PRR5L: variants seen among roughly 807,000 people sequenced by gnomAD.
The protein encoded by PRR5L is proline rich 5 like.
Under a neutral mutation model 36.4 loss-of-function variants are expected in PRR5L, and 21 were observed. That is an observed-to-expected ratio of 0.58 (90% confidence interval 0.41 to 0.83). The LOEUF is 0.83. Ranked by LOEUF, PRR5L falls within the 40% of genes least tolerant of loss-of-function variation. The pLI, the probability that PRR5L is intolerant of heterozygous loss-of-function variation, is 0.00. For synonymous variants in PRR5L, 188 were observed against 197.0 expected (o/e 0.95, Z 0.38); for missense variants, 381 against 473.3 (o/e 0.80, Z 1.81).
chr11:36,302,676 A>G (rs1358730528), intron 1 of PRR5L, among the ~76,000 whole-genome samples: 4 of 152,188 alleles, frequency 2.6e-5, no homozygotes, highest in Non-Finnish European at 5.9e-5. Context: ...AATCCCAGCT[A>G]CTCGGGAGGC....
At position 36,344,260 on chromosome 11, in the gene PRR5L, A is replaced by T. The variant is rs142609080; in HGVS notation, c.-126+47822A>T. On this transcript the variant is annotated intron_variant, in intron 1 of 8. Transcript: ENST00000530639. This position sits in a 1 kb window ranked among gnomAD's most constrained non-coding sequence, Gnocchi z 4.1. ...CATGCTCATAGAAAAATCAGAAAAT[A>T]TATAAATGTATGAAATAGTCTAATT... Among the ~76,000 whole-genome samples the T allele has an allele frequency of 1.5e-3, 232 of 152,300 alleles. 1 individual carries two copies. The Middle Eastern group carries it at 0.02, about 13-fold the overall frequency.
chr11:36,437,531 T>C, intron 6 of PRR5L, 55 bp downstream of exon 6: 1 of 1,144,558 alleles, frequency 8.7e-7, no homozygotes, highest in African/African-American at 1.6e-5. Context: ...TCTTCTCTCC[T>C]GGCCCTTGCG....
chr11:36,452,764 G>C (rs1858971146), intron 8 of PRR5L, among the ~76,000 whole-genome samples: 1 of 152,094 alleles, frequency 6.6e-6, no homozygotes, highest in Non-Finnish European at 1.5e-5. Flanking sequence ...CCATTGTTTG[G>C]GCCTAATGCC....
intron 1 of PRR5L, among the ~76,000 whole-genome samples, chr11:36,330,712 A>G (rs1273094830): frequency 6.6e-6 from 1 of 152,256 alleles, no homozygotes; most frequent in Non-Finnish European, 1.5e-5. Flanking sequence ...TGTCTCTGTG[A>G]CATATTAATA....
intron 4 of PRR5L, among the ~76,000 whole-genome samples, chr11:36,431,457 T>C (rs1858491620): frequency 6.8e-6 from 1 of 147,882 alleles, no homozygotes; most frequent in African/African-American, 2.4e-5. Flanking sequence ...AAATTTATCT[T>C]TTTTTTTAAA....
intron 1 of PRR5L, among the ~76,000 whole-genome samples, chr11:36,305,087 A>C (rs1268194593): frequency 1.3e-5 from 2 of 152,254 alleles, no homozygotes; most frequent in Non-Finnish European, 2.9e-5. Flanking sequence ...TGTTCATAGC[A>C]GCATTATTCA....
At chr11:36,457,572 C>T (rs1473993446) in intron 8 of PRR5L, among the ~76,000 whole-genome samples, 1 of 150,908 alleles carries the variant, frequency 6.6e-6, no homozygotes, top group East Asian at 2.0e-4. Context: ...CGCCACTGCA[C>T]TCCAGCCTGG....
intron 1 of PRR5L, among the ~76,000 whole-genome samples, chr11:36,300,433 GC>G (rs1856362768): frequency 6.6e-6 from 1 of 152,030 alleles, no homozygotes; most frequent in African/African-American, 2.4e-5. Context: ...TGAAAGATCT[GC>G]CCCCGTGACC....
intron 1 of PRR5L, among the ~76,000 whole-genome samples, chr11:36,329,635 G>A (rs574534760): frequency 2.0e-4 from 31 of 152,266 alleles, no homozygotes; most frequent in Admixed American, 3.3e-4. Context: ...TTGCATAAGT[G>A]CAGCAAAAAT....
intron 1 of PRR5L, among the ~76,000 whole-genome samples, chr11:36,334,405 C>T (rs1856749293): frequency 6.6e-6 from 1 of 152,222 alleles, no homozygotes; most frequent in Non-Finnish European, 1.5e-5. Flanking sequence ...AAGCTCCTGG[C>T]CATGGCCTCC....
chr11:36,423,143 T>A (rs1282064568), intron 4 of PRR5L, among the ~76,000 whole-genome samples: 1 of 152,158 alleles, frequency 6.6e-6, no homozygotes, highest in Non-Finnish European at 1.5e-5. Flanking sequence ...CTAGAGTCAG[T>A]GGCTTTGAAT....
At position 36,436,023 on chromosome 11, in the gene PRR5L, G is replaced by A. The variant is rs114236551; in HGVS notation, c.353-1362G>A. The stretch of plus-strand genomic sequence containing the variant: ...AAAGTGTGATCAGTGGTTTGCACAG[G>A]CAAGTTGAGGGTGCCCTGGATTTGC... On this transcript the variant is annotated intron_variant, in intron 5 of 8. Transcript: ENST00000530639. Among the ~76,000 whole-genome samples the A allele has an allele frequency of 1.3e-3, 202 of 152,280 alleles. 1 individual carries two copies. Among genetic ancestry groups the A allele is most frequent in the African/African-American group, 4.4e-3 (184 of 41,544 alleles).
At chr11:36,362,605 T>A (rs1857102487) in intron 1 of PRR5L, among the ~76,000 whole-genome samples, 1 of 152,186 alleles carries the variant, frequency 6.6e-6, no homozygotes, top group South Asian at 2.1e-4. Flanking sequence ...CCATGCCTGC[T>A]GTTTCTGTTT....
intron 1 of PRR5L, among the ~76,000 whole-genome samples, chr11:36,355,162 C>T (rs991081858): frequency 2.6e-5 from 4 of 152,122 alleles, no homozygotes; most frequent in African/African-American, 7.2e-5. Context: ...AACAGGTTTA[C>T]GAATTGATCC....
In PRR5L at chr11:36,347,027, T is replaced by G. The variant is rs1482344760; in HGVS notation, c.-126+50589T>G. ...CAGATTTTGTCTACCAGTCATGGTT[T>G]GCAGATACTTTGCATAGTGTATAAT... On this transcript the variant is annotated intron_variant, in intron 1 of 8. Transcript: ENST00000530639. 5.9e-5 allele frequency among the ~76,000 whole-genome samples: 9 copies of G among 152,242 alleles called. No individual in the cohort carries two copies. In the East Asian group the frequency reaches 1.5e-3, roughly 26 times the overall value.
intron 1 of PRR5L, among the ~76,000 whole-genome samples, chr11:36,370,332 T>A (rs525634): frequency 6.6e-6 from 1 of 152,002 alleles, no homozygotes; most frequent in Non-Finnish European, 1.5e-5. Context: ...GATGACCCTA[T>A]GTAAAGCATT....
At chr11:36,320,419 T>A (rs1856603791) in intron 1 of PRR5L, among the ~76,000 whole-genome samples, 1 of 145,918 alleles carries the variant, frequency 6.9e-6, no homozygotes, top group South Asian at 2.2e-4. Flanking sequence ...AATTTTTTTT[T>A]ATGAACTGGG....
intron 4 of PRR5L, among the ~76,000 whole-genome samples, chr11:36,423,160 A>G (rs1358977230): frequency 6.6e-6 from 1 of 152,210 alleles, no homozygotes; most frequent in African/African-American, 2.4e-5. Context: ...GAATGGGTTA[A>G]TACTAGGAAG....
At chr11:36,414,020 T>C (rs780381927) in intron 3 of PRR5L, among the ~76,000 whole-genome samples, 3 of 149,624 alleles carry the variant, frequency 2.0e-5, no homozygotes, top group Non-Finnish European at 4.4e-5. Flanking sequence ...CTTTTATCCA[T>C]GTCCCTACAA....
Sources: gnomAD v4.1 joint callset for allele counts (sites outside exome capture counted in the v4.1 genomes callset) on GRCh38, gnomAD v4.1.1 for gene constraint, Gnocchi (gnomAD v3.1) non-coding constraint, MANE v1.5 for transcripts, NCBI Gene and HGNC (gene_info 2026-07-23, HGNC 2026-07-21) for gene names.